The following ARMC10 variants were observed in gnomAD, a reference collection of about 807,000 sequenced individuals.
The protein encoded by ARMC10 is armadillo repeat containing 10, also known as armadillo repeat-containing protein 10.
In ARMC10, 23 loss-of-function variants were observed where a neutral mutation model predicts 30.2. The ratio of observed to expected loss-of-function variants is 0.76; its 90% CI spans 0.55 to 1.08. ARMC10 has a LOEUF of 1.08. Ranked by LOEUF, ARMC10 falls within the 50% of genes least tolerant of loss-of-function variation. ARMC10 has a pLI of 0.00. For synonymous variants in ARMC10, 111 were observed against 164.4 expected (o/e 0.68, Z 2.48); for missense variants, 303 against 413.7 (o/e 0.73, Z 2.32).
At chr7:103,093,340 A>G (rs573720163) in intron 5 of ARMC10, among the ~76,000 whole-genome samples, 5 of 152,208 alleles carry the variant, frequency 3.3e-5, no homozygotes, top group Non-Finnish European at 7.3e-5. Flanking sequence ...AGACAAATGC[A>G]TAAGCATTTT....
intron 2 of ARMC10, among the ~76,000 whole-genome samples, chr7:103,076,897 G>T (rs1799912836): frequency 6.6e-6 from 1 of 152,148 alleles, no homozygotes; most frequent in African/African-American, 2.4e-5. Context: ...AAGGAGTTTT[G>T]TTTTGTTTTC....
At chr7:103,096,890 A>G (rs894541937) in intron 5 of ARMC10, 12 of 211,254 alleles carry the variant, frequency 5.7e-5, no homozygotes, top group Non-Finnish European at 8.6e-5. Context: ...GCAATATTCT[A>G]TCTCCCTGAC....
At chr7:103,080,547 G>C (rs763569484) in intron 2 of ARMC10, among the ~76,000 whole-genome samples, 1 of 151,366 alleles carries the variant, frequency 6.6e-6, no homozygotes, top group African/African-American at 2.4e-5. Flanking sequence ...GAGCCACCGT[G>C]CTGGGCCGAT....
chr7:103,091,436 G>T (rs538544424), intron 4 of ARMC10, among the ~76,000 whole-genome samples: 3 of 152,228 alleles, frequency 2.0e-5, no homozygotes, highest in African/African-American at 7.2e-5. Flanking sequence ...GAGTACTACA[G>T]CATTGCATTA....
At chr7:103,093,701 A>G (rs1801540536) in intron 5 of ARMC10, among the ~76,000 whole-genome samples, 1 of 152,118 alleles carries the variant, frequency 6.6e-6, no homozygotes, top group Admixed American at 6.6e-5. Context: ...TGTTGTTGCC[A>G]CTGTAGGAGA....
chr7:103,078,616 GTCA>G (rs1288047556), intron 2 of ARMC10, among the ~76,000 whole-genome samples: 1 of 152,154 alleles, frequency 6.6e-6, no homozygotes, highest in East Asian at 1.9e-4. Context: ...GACTAATAAA[GTCA>G]TCATCACGCT....
chr7:103,091,124 G>A (rs1303542714), intron 4 of ARMC10, among the ~76,000 whole-genome samples: 4 of 152,082 alleles, frequency 2.6e-5, no homozygotes, highest in African/African-American at 9.7e-5. Context: ...CATAATTTTT[G>A]TAAGCTAGAA....
rs183570287 is a variant in ARMC10, at chr7:103,098,299, G to T, written c.778G>T (p.Val260Leu). 1.3e-6 allele frequency: 2 copies of T among 1,510,680 alleles called. No homozygotes were observed. The highest frequency in any genetic ancestry group is 1.4e-5 in the South Asian group (1 of 73,292). 93.6% of individuals were successfully genotyped at this position (1,510,680 alleles called of 1,614,324 possible). The stretch of plus-strand genomic sequence containing the variant: ...TAATACTCATTGTTTCATATTTCAG[G>T]TGGATTCATCATTCCTTTCCCTTTA... ...AMTEGLLRAQVDSSFLSLYDS... is the reference protein window; with the variant it reads ...AMTEGLLRAQLDSSFLSLYDS... The change falls in exon 7 of 7, where the codon GTG becomes TTG. Residue 260 changes from valine to leucine, a missense_variant and splice_region_variant. Physicochemically the swap from Val to Leu is conservative, Grantham distance 32. Transcript: ENST00000323716.
chr7:103,082,716 GCCCCTCC>G (rs1457973032), intron 2 of ARMC10, among the ~76,000 whole-genome samples: 1 of 151,882 alleles, frequency 6.6e-6, no homozygotes, highest in Non-Finnish European at 1.5e-5. Flanking sequence ...ACCTACCCTT[GCCCCTCC>G]CCCCACCACC....
intron 5 of ARMC10, among the ~76,000 whole-genome samples, 160 bp downstream of exon 5, chr7:103,092,813 A>G (rs1801462476): frequency 6.6e-6 from 1 of 152,210 alleles, no homozygotes; most frequent in Non-Finnish European, 1.5e-5. Flanking sequence ...TGCAAAATTA[A>G]CTTTTGAAAA....
chr7:103,087,896 C>T (rs1800995223), intron 4 of ARMC10: 1 of 469,172 alleles, frequency 2.1e-6, no homozygotes, highest in Admixed American at 6.4e-5. Context: ...AAAAGCAGAC[C>T]ATTCTTAATG....
At chr7:103,080,544 C>T (rs61030867) in intron 2 of ARMC10, among the ~76,000 whole-genome samples, 16,817 of 151,998 alleles carry the variant, frequency 0.11, 1,109 homozygotes, top group East Asian at 0.3. Flanking sequence ...TGTGAGCCAC[C>T]GTGCTGGGCC....
Position 103,075,187 on chromosome 7 carries a change from A to C in ARMC10, c.-86A>C. The C allele has an allele frequency of 1.0e-6, 1 of 988,772 alleles. No homozygotes were observed. The highest frequency in any genetic ancestry group is 1.2e-6 in the Non-Finnish European group (1 of 801,672). The allele number at this position is 988,772 out of a possible 1,614,324, so 61.2% of individuals were successfully genotyped here. A position where few individuals can be genotyped will look rare whatever the true frequency, so the allele number is the denominator to read the frequency against. ...TCAGGTGGCGTTTGCTGTGGCGGCT[A>C]GGCCCGCGTGCGCTGGAGACCTCCG... On this transcript the variant is annotated 5_prime_UTR_variant, in exon 1 of 7. Transcript: ENST00000323716.
chr7:103,080,787 C>T (rs1380901602), intron 2 of ARMC10, among the ~76,000 whole-genome samples: 3 of 151,904 alleles, frequency 2.0e-5, no homozygotes, highest in Non-Finnish European at 2.9e-5. Context: ...GCCACCATGC[C>T]TGGCTAATTT....
Position 103,082,200 on chromosome 7 carries a change from A to G in ARMC10, c.245-1482A>G, listed in dbSNP as rs78895484. On this transcript the variant is annotated intron_variant, in intron 2 of 6. Transcript: ENST00000323716. ...CTGATTAAGACTTGGTAGTGAGAAT[A>G]TTCTAGCTTTGTAGCTGTGACATTT... Among the ~76,000 whole-genome samples, 91 of 152,344 alleles carry G rather than the reference A, an allele frequency of 6.0e-4. 1 individual carries two copies. In the East Asian group the frequency reaches 0.017, roughly 28 times the overall value.
chr7:103,090,728 T>TAAAAAAAAAAAAAAAA (rs34277044), intron 4 of ARMC10, among the ~76,000 whole-genome samples: 1 of 140,906 alleles, frequency 7.1e-6, no homozygotes, highest in African/African-American at 2.8e-5. Flanking sequence ...AACCCATTTC[T>TAAAAAAAAAAAAAAAA]AAAAAAAAAA....
At chr7:103,088,434 C>T (rs1056450057) in intron 4 of ARMC10, among the ~76,000 whole-genome samples, 1 of 152,082 alleles carries the variant, frequency 6.6e-6, no homozygotes, top group Non-Finnish European at 1.5e-5. Flanking sequence ...CAGAAGACCA[C>T]TAGCATGCTA....
At chr7:103,090,755 G>A (rs935663339) in intron 4 of ARMC10, among the ~76,000 whole-genome samples, 1 of 140,096 alleles carries the variant, frequency 7.1e-6, no homozygotes, top group Non-Finnish European at 1.5e-5. Flanking sequence ...TTTATTAGCT[G>A]GGCATAGTGG....
chr7:103,090,674 T>C (rs948702220), intron 4 of ARMC10, among the ~76,000 whole-genome samples: 2 of 151,102 alleles, frequency 1.3e-5, no homozygotes, highest in Non-Finnish European at 2.9e-5. Flanking sequence ...TTTTTGTATT[T>C]TTAATAGATA....
Sources: allele counts gnomAD v4.1 joint callset (sites outside exome capture counted in the v4.1 genomes callset), GRCh38; gene constraint gnomAD v4.1.1; transcripts MANE v1.5; gene names NCBI Gene and HGNC (gene_info 2026-07-23, HGNC 2026-07-21).